ZNF775: variants seen among roughly 807,000 people sequenced by gnomAD.
The protein encoded by ZNF775 is zinc finger protein 775.
A neutral mutation model predicts 2.4 loss-of-function variants in ZNF775; 1 was observed. That is an observed-to-expected ratio of 0.41 (90% CI 0.15 to 1.94). ZNF775 has a LOEUF of 1.94. Ranked by LOEUF, ZNF775 falls within the 30% of genes most tolerant of loss-of-function variation. The pLI is 0.30. For missense variants in ZNF775, 823 were observed against 826.6 expected (o/e 1.00, Z 0.05); for synonymous variants, 381 against 373.3 (o/e 1.02, Z -0.24).
Position 150,398,180 on chromosome 7 carries a change from C to G in ZNF775, c.*85C>G, listed in dbSNP as rs945673445. The G allele has an allele frequency of 3.3e-6, 5 of 1,509,246 alleles. No individual in the cohort carries two copies. 93.5% of individuals were successfully genotyped at this position (1,509,246 alleles called of 1,614,324 possible). ...GAGTGGGGGTGGCCAGGATTGCTGG[C>G]TCTTAGAACCCCTTAGAGCGGGACC... On this transcript the variant is annotated 3_prime_UTR_variant, in exon 3 of 3. Coordinates refer to ENST00000329630, the MANE Select transcript of ZNF775 (RefSeq NM_173680.4).
chr7:150,387,571 C>T (rs1395399097), intron 1 of ZNF775, among the ~76,000 whole-genome samples: 2 of 152,136 alleles, frequency 1.3e-5, no homozygotes, highest in Non-Finnish European at 2.9e-5. Flanking sequence ...CCCAGCACTT[C>T]AGGAGACTGA....
chr7:150,385,358 A>G (rs1293947456), intron 1 of ZNF775, among the ~76,000 whole-genome samples: 2 of 152,256 alleles, frequency 1.3e-5, no homozygotes, highest in Non-Finnish European at 2.9e-5. Context: ...TTGAATGTGC[A>G]TGAAACCAGA....
chr7:150,387,295 C>CAA (rs550286754), intron 1 of ZNF775, among the ~76,000 whole-genome samples: 3,312 of 102,764 alleles, frequency 0.032, 169 homozygotes, highest in African/African-American at 0.11. Flanking sequence ...GACTCTGTCT[C>CAA]AAAAAAAAAA....
chr7:150,396,869 AC>A lies in ZNF775; in HGVS notation c.390del (p.Glu132ArgfsTer96). On this transcript the variant is annotated frameshift_variant, in exon 3 of 3. Coordinates refer to ENST00000329630, the MANE Select transcript of ZNF775 (RefSeq NM_173680.4). LOFTEE classifies it low-confidence loss of function (END_TRUNC). ...CCTGAAGATCCACCAGCGCACCCACACCGGGGAGAAGCCGTACCTCTGCGGC... is the reference window on the plus strand; with the variant it reads ...CCTGAAGATCCACCAGCGCACCCACACGGGGAGAAGCCGTACCTCTGCGGC... Reference protein sequence around the residue: ...SSLKIHQRTHTGEKPYLCGKC... With the variant: ...SSLKIHQRTHXGEKPYLCGKC... 6.2e-7 allele frequency: 1 copy of A among 1,602,438 alleles called. No homozygotes were observed. The highest frequency in any genetic ancestry group is 8.5e-7 in the Non-Finnish European group (1 of 1,179,614).
intron 2 of ZNF775, among the ~76,000 whole-genome samples, chr7:150,389,939 ACAC>A (rs1321271595): frequency 6.8e-6 from 1 of 146,344 alleles, no homozygotes; most frequent in African/African-American, 2.5e-5. Context: ...AATATACGCA[ACAC>A]TTACCATTGT....
At chr7:150,391,537 A>G (rs1341473050) in intron 2 of ZNF775, among the ~76,000 whole-genome samples, 2 of 152,062 alleles carry the variant, frequency 1.3e-5, no homozygotes, top group Non-Finnish European at 2.9e-5. Context: ...AAAATTAGTT[A>G]ATTAATTTAA....
In ZNF775 at chr7:150,397,730, C is replaced by T. The variant is rs1488824215; in HGVS notation, c.1249C>T (p.Arg417Trp). ...CATCCCGGGCTTGGCCGCGAGGCCG[C>T]GGAGCTCCCAACGGTCCCCGGGGGC... ...EAIPGLAARP[R>W]SSQRSPGARD... Residue 417 changes from arginine to tryptophan, a missense_variant, in exon 3 of 3, where the codon CGG (arginine) becomes TGG (tryptophan). Arg to Trp is a moderately radical substitution (Grantham distance 101). Transcript: ENST00000329630. The T allele has an allele frequency of 2.8e-6, 4 of 1,434,332 alleles. No individual in the cohort carries two copies. The highest frequency in any genetic ancestry group is 1.4e-5 in the South Asian group (1 of 69,614). The allele number at this position is 1,434,332 out of a possible 1,614,324, so 88.9% of individuals were successfully genotyped here.
intron 1 of ZNF775, among the ~76,000 whole-genome samples, chr7:150,387,250 G>A (rs1194567495): frequency 1.4e-5 from 2 of 141,812 alleles, no homozygotes; most frequent in Admixed American, 7.0e-5. Flanking sequence ...AACTGAGATT[G>A]GGCCACTACA....
intron 2 of ZNF775, among the ~76,000 whole-genome samples, chr7:150,392,545 A>ATC (rs56067146): frequency 0.017 from 2,313 of 136,596 alleles, 35 homozygotes; most frequent in Middle Eastern, 0.032. Context: ...TCCCAAATGG[A>ATC]TCTCTCTCTC....
In ZNF775 at chr7:150,396,891, G is replaced by A; in HGVS notation, c.410G>A (p.Cys137Tyr). 1 of 1,602,492 alleles carries A rather than the reference G, an allele frequency of 6.2e-7. No homozygotes were observed. The highest frequency in any genetic ancestry group is 1.7e-5 in the Admixed American group (1 of 59,986). Residue 137 changes from cysteine (C) to tyrosine (Y), a missense_variant, in exon 3 of 3, where the codon TGC (cysteine) becomes TAC (tyrosine). Transcript: ENST00000329630. ...RTHTGEKPYL[C>Y]GKCGKSFSQK... Reference sequence around the variant, plus strand: ...CACACCGGGGAGAAGCCGTACCTCTGCGGCAAGTGCGGCAAGAGCTTCAGC... The same window carrying A: ...CACACCGGGGAGAAGCCGTACCTCTACGGCAAGTGCGGCAAGAGCTTCAGC...
At position 150,397,722 on chromosome 7, in the gene ZNF775, C is replaced by G; in HGVS notation, c.1241C>G (p.Ala414Gly). The G allele has an allele frequency of 1.4e-6, 2 of 1,411,954 alleles. No homozygotes were observed. Among genetic ancestry groups the G allele is most frequent in the Non-Finnish European group, 1.8e-6 (2 of 1,092,872 alleles). The allele number at this position is 1,411,954 out of a possible 1,614,324, so 87.5% of individuals were successfully genotyped here. Residue 414 changes from alanine to glycine, a missense_variant, in exon 3 of 3, where the codon GCG becomes GGG. Coordinates refer to ENST00000329630, the MANE Select transcript of ZNF775 (RefSeq NM_173680.4). Reference sequence around the variant, plus strand: ...GCCGAGGCCATCCCGGGCTTGGCCGCGAGGCCGCGGAGCTCCCAACGGTCC... The same window carrying G: ...GCCGAGGCCATCCCGGGCTTGGCCGGGAGGCCGCGGAGCTCCCAACGGTCC... The part of the protein sequence containing the change: ...PQAEAIPGLA[A>G]RPRSSQRSPG...
At position 150,379,366 on chromosome 7, in the gene ZNF775, C is replaced by T. The variant is rs1280647530; in HGVS notation, c.-76C>T. On this transcript the variant is annotated 5_prime_UTR_variant, in exon 1 of 3. Coordinates refer to ENST00000329630, the MANE Select transcript of ZNF775 (RefSeq NM_173680.4). ...CAAGTCGCCCTCGGGGTGGCAGTTCCCGTTAACCTTAGCCACAAAGTCAAA... is the reference window on the plus strand; with the variant it reads ...CAAGTCGCCCTCGGGGTGGCAGTTCTCGTTAACCTTAGCCACAAAGTCAAA... The T allele has an allele frequency of 6.6e-6, 1 of 152,240 alleles. No individual in the cohort carries two copies. Among genetic ancestry groups the T allele is most frequent in the Non-Finnish European group, 1.5e-5 (1 of 68,040 alleles). 9.4% of individuals were successfully genotyped at this position (152,240 alleles called of 1,614,324 possible).
chr7:150,388,385 AG>A (rs771331004), intron 1 of ZNF775, 36 bp from the exon 2 acceptor site: 108 of 1,501,058 alleles, frequency 7.2e-5, no homozygotes, highest in Non-Finnish European at 9.2e-5. Flanking sequence ...CTTGTCCCAC[AG>A]GCCCATTCTC....
At chr7:150,380,984 C>T (rs771056086) in intron 1 of ZNF775, among the ~76,000 whole-genome samples, 1 of 152,194 alleles carries the variant, frequency 6.6e-6, no homozygotes, top group African/African-American at 2.4e-5. Flanking sequence ...TCCCAAGGTC[C>T]TTTGAATGCA....
At position 150,384,259 on chromosome 7, in the gene ZNF775, C is replaced by T. The variant is rs1321027916; in HGVS notation, c.-49-4163C>T. On this transcript the variant is annotated intron_variant, in intron 1 of 2. Coordinates refer to ENST00000329630, the MANE Select transcript of ZNF775 (RefSeq NM_173680.4). The surrounding 1 kb of genome is among the most constrained non-coding windows in gnomAD (Gnocchi z 4.1). The stretch of plus-strand genomic sequence containing the variant: ...CGGTAGGGGCCCGGGGGCCCTTGTG[C>T]GATAGACAAAGCGGCCTTCCAAGAC... Among the ~76,000 whole-genome samples, 2 of 152,202 alleles carry T rather than the reference C, an allele frequency of 1.3e-5. No homozygotes were observed. The highest frequency in any genetic ancestry group is 1.9e-4 in the East Asian group (1 of 5,192).
At position 150,397,227 on chromosome 7, in the gene ZNF775, A is replaced by C. The variant is rs1182550001; in HGVS notation, c.746A>C (p.Glu249Ala). The change falls in exon 3 of 3, where the codon GAG becomes GCG. Residue 249 changes from glutamate (E) to alanine (A), a missense_variant. Transcript: ENST00000329630. ...LQPGPPRGRP[E>A]WAWLGLCQGW... ...CCGGGGCCGCCGCGGGGGCGCCCCG[A>C]GTGGGCCTGGCTGGGGCTCTGCCAG... The C allele has an allele frequency of 8.8e-7, 1 of 1,140,008 alleles. No homozygotes were observed. Among genetic ancestry groups the C allele is most frequent in the African/African-American group, 1.7e-5 (1 of 59,612 alleles). The allele number at this position is 1,140,008 out of a possible 1,614,324, so 70.6% of individuals were successfully genotyped here. A position where few individuals can be genotyped will look rare whatever the true frequency, so the allele number is the denominator to read the frequency against.
rs755437199 is a variant in ZNF775, at chr7:150,396,533, G to A, written c.52G>A (p.Val18Ile). Reference sequence around the variant, plus strand: ...GGCAGGAGCTGGGCTGGTGATGAAGGTCAAGCAGGAGAAGCCGGAGCGGCT... The same window carrying A: ...GGCAGGAGCTGGGCTGGTGATGAAGATCAAGCAGGAGAAGCCGGAGCGGCT... ...NGTGAGLVMK[V>I]KQEKPERLLQ... Residue 18 changes from valine to isoleucine, a missense_variant, in exon 3 of 3, where the codon GTC becomes ATC. Val to Ile is a conservative substitution (Grantham distance 29). Transcript: ENST00000329630. The A allele has an allele frequency of 4.0e-5, 64 of 1,600,398 alleles. No individual in the cohort carries two copies. Among genetic ancestry groups the A allele is most frequent in the Non-Finnish European group, 5.4e-5 (63 of 1,175,528 alleles).
rs746365329 is a variant in ZNF775 at position 150,397,063 on chromosome 7, C to G, written c.582C>G (p.Pro194=). The G allele has an allele frequency of 6.3e-7, 1 of 1,590,886 alleles. No individual in the cohort carries two copies. Among genetic ancestry groups the G allele is most frequent in the Admixed American group, 1.7e-5 (1 of 58,574 alleles). ...THSRPATHSC[P]ECERCFRHQV... is the part of the protein sequence containing the mutation. ...CCCGGCCCGCCACCCACTCGTGCCC[C>G]GAGTGCGAGCGCTGCTTCCGTCACC... Residue 194 remains proline (P), a synonymous_variant, in exon 3 of 3, where the codon CCC becomes CCG. Transcript: ENST00000329630.
At chr7:150,395,972 G>A (rs999525410) in intron 2 of ZNF775, among the ~76,000 whole-genome samples, 1 of 152,158 alleles carries the variant, frequency 6.6e-6, no homozygotes, top group South Asian at 2.1e-4. Context: ...CAGTATAGAC[G>A]GTGCTGCAGT....
Sources: allele counts gnomAD v4.1 joint callset (sites outside exome capture counted in the v4.1 genomes callset), GRCh38; gene constraint gnomAD v4.1.1; non-coding constraint Gnocchi (gnomAD v3.1); transcripts MANE v1.5; gene names NCBI Gene and HGNC (gene_info 2026-07-23, HGNC 2026-07-21).